The following FBXO24 variants were observed in gnomAD, a reference collection of about 807,000 sequenced individuals.
FBXO24 encodes F-box protein 24.
FBXO24 carries 30 observed loss-of-function variants against 63.5 expected under a neutral mutation model. That is an observed-to-expected ratio of 0.47 (90% CI 0.35 to 0.64). The LOEUF (loss-of-function observed/expected upper bound fraction) is 0.64. FBXO24 is among the 30% of genes least tolerant of loss of function. The pLI is 0.00. For synonymous variants in FBXO24, 300 were observed against 305.0 expected (o/e 0.98, Z 0.17); for missense variants, 624 against 763.4 (o/e 0.82, Z 2.15).
rs763721434 is a variant in FBXO24, at chr7:100,590,245, C to T, written c.210C>T (p.His70=). Residue 70 remains histidine, a synonymous_variant, in exon 3 of 10, where the codon CAC becomes CAT. Transcript: ENST00000241071. ...TCGGCCAGACCTGCCGCTACTTCCA[C>T]GAAGTGTGCGATGGGGAAGGCGTGT... The part of the protein sequence containing the change: ...VALGQTCRYF[H]EVCDGEGVWR... The T allele has an allele frequency of 1.3e-5, 21 of 1,614,048 alleles. No individual in the cohort carries two copies. Among genetic ancestry groups the T allele is most frequent in the African/African-American group, 4.0e-5 (3 of 74,922 alleles).
Position 100,597,893 on chromosome 7 carries a change from G to GTT in FBXO24, c.1207-2125_1207-2124dup, listed in dbSNP as rs556578958. On this transcript the variant is annotated intron_variant, in intron 8 of 9. Transcript: ENST00000241071. Reference sequence around the variant, plus strand: ...AGTTTTTGTTTTTTTTGTTTTTTTTGTTTTTTTTTTTTTTAGAGACAGGGT... The same window carrying GTT: ...AGTTTTTGTTTTTTTTGTTTTTTTTGTTTTTTTTTTTTTTTTAGAGACAGGGT... Among the ~76,000 whole-genome samples the GTT allele has an allele frequency of 4.7e-3, 636 of 134,808 alleles. 5 individuals are homozygous for GTT. Among genetic ancestry groups the GTT allele is most frequent in the African/African-American group, 0.015 (551 of 36,484 alleles). 88.4% of individuals were successfully genotyped at this position (134,808 alleles called of 152,430 possible). A position where few individuals can be genotyped will look rare whatever the true frequency, so the allele number is the denominator to read the frequency against.
At chr7:100,595,477 T>A (rs1202394907) in intron 7 of FBXO24, 98 bp from the exon 8 acceptor site, 18 of 1,404,380 alleles carry the variant, frequency 1.3e-5, no homozygotes, top group Admixed American at 1.2e-4. Flanking sequence ...TAGAAAGAGA[T>A]CAGCTGGGGA....
At chr7:100,586,713 G>C in intron 1 of FBXO24, 49 bp downstream of exon 1, 1 of 1,608,002 alleles carries the variant, frequency 6.2e-7, no homozygotes, top group Non-Finnish European at 8.5e-7. Flanking sequence ...CGGAGCCCCT[G>C]GCCGGCCGGG....
Position 100,594,987 on chromosome 7 carries a change from G to T in FBXO24, c.953-115G>T. On this transcript the variant is annotated intron_variant, in intron 6 of 9. Coordinates refer to ENST00000241071, the MANE Select transcript of FBXO24 (RefSeq NM_033506.3). This position sits in a 1 kb window ranked among gnomAD's most constrained non-coding sequence, Gnocchi z 4.2. ...TCAGTTCCCAGGCATCATAGTTGAT[G>T]CATTCCTAGTGGGTATGAGACTCCT... 7.2e-7 allele frequency: 1 copy of T among 1,381,864 alleles called. No individual in the cohort carries two copies. 85.6% of individuals were successfully genotyped at this position (1,381,864 alleles called of 1,614,324 possible).
chr7:100,588,353 C>T (rs1460769513), intron 1 of FBXO24, among the ~76,000 whole-genome samples: 2 of 152,170 alleles, frequency 1.3e-5, no homozygotes, highest in African/African-American at 4.8e-5. Context: ...GGTAGGTTGC[C>T]CAGAAATAAG....
chr7:100,586,641 G>GT lies in FBXO24; in HGVS notation c.17dup (p.Leu8PhefsTer21). ...TACCAATAGCATGGGCGAGAAGGCG[G>GT]TCCCTTTGCTAAGGAGGAGGCGGGT... On this transcript the variant is annotated frameshift_variant, in exon 1 of 10. Coordinates refer to ENST00000241071, the MANE Select transcript of FBXO24 (RefSeq NM_033506.3). LOFTEE classifies it high-confidence loss of function. The GT allele has an allele frequency of 6.2e-7, 1 of 1,614,236 alleles. No individual in the cohort carries two copies. Among genetic ancestry groups the GT allele is most frequent in the Non-Finnish European group, 8.5e-7 (1 of 1,180,022 alleles).
Position 100,590,171 on chromosome 7 carries a change from C to T in FBXO24, c.139-3C>T. On this transcript the variant is annotated splice_region_variant and splice_polypyrimidine_tract_variant and intron_variant, in intron 2 of 9. Transcript: ENST00000241071. ...TCCCCGCTTCTTCCCTCCTCCCTCC[C>T]AGGTGGAGCATATCATCTCATTCCT... is the stretch of plus-strand genomic sequence containing the variant. 1 of 1,613,096 alleles carries T rather than the reference C, an allele frequency of 6.2e-7. No homozygotes were observed. The highest frequency in any genetic ancestry group is 8.5e-7 in the Non-Finnish European group (1 of 1,179,258).
chr7:100,599,653 G>GC, intron 8 of FBXO24: 1 of 209,286 alleles, frequency 4.8e-6, no homozygotes, highest in Non-Finnish European at 9.8e-6. Flanking sequence ...CTTCCTCAGG[G>GC]TGGTGTTGGG....
In FBXO24 at chr7:100,600,553, C is replaced by T; in HGVS notation, c.1397C>T (p.Ala466Val). The T allele has an allele frequency of 1.3e-6, 2 of 1,571,090 alleles. No individual in the cohort carries two copies. Among genetic ancestry groups the T allele is most frequent in the Non-Finnish European group, 1.7e-6 (2 of 1,156,116 alleles). Residue 466 changes from alanine to valine, a missense_variant, in exon 10 of 10, where the codon GCC (alanine) becomes GTC (valine). Around this residue, in one of 3 missense-constraint regions of FBXO24, gnomAD observed 216 missense variants for 245.2 expected, o/e 0.88. Coordinates refer to ENST00000241071, the MANE Select transcript of FBXO24 (RefSeq NM_033506.3). The surrounding 1 kb of genome is among the most constrained non-coding windows in gnomAD (Gnocchi z 6.3). ...LQVKVPLCAC[A>V]LCATRECLYI... ...TCCAAGGTCCCTCTGTGTGCCTGTG[C>T]CCTCTGTGCCACCAGGGAGTGCCTA...
In FBXO24 at chr7:100,600,199, A is replaced by C. The variant is rs1350944140; in HGVS notation, c.1375A>C (p.Lys459Gln). The C allele has an allele frequency of 3.2e-6, 5 of 1,556,050 alleles. No individual in the cohort carries two copies. Among genetic ancestry groups the C allele is most frequent in the Non-Finnish European group, 4.4e-6 (5 of 1,149,278 alleles). Reference protein sequence around the residue: ...GSASFVKLQVKVPLCACALCA... With the variant: ...GSASFVKLQVQVPLCACALCA... ...TGCCTCCTTCGTCAAGCTCCAAGTC[A>C]AGGTCAGAGCGGGGTCAGGAGAGTG... Residue 459 changes from lysine to glutamine, a missense_variant and splice_region_variant, in exon 9 of 10, where the codon AAG becomes CAG. Around this residue, in one of 3 missense-constraint regions of FBXO24, gnomAD observed 216 missense variants for 245.2 expected, o/e 0.88. Coordinates refer to ENST00000241071, the MANE Select transcript of FBXO24 (RefSeq NM_033506.3). This position sits in a 1 kb window ranked among gnomAD's most constrained non-coding sequence, Gnocchi z 6.3.
In FBXO24 at chr7:100,594,055, G is replaced by C. The variant is rs1010909940; in HGVS notation, c.794-328G>C. 2.6e-5 allele frequency among the ~76,000 whole-genome samples: 4 copies of C among 152,100 alleles called. No homozygotes were observed. The highest frequency in any genetic ancestry group is 4.4e-5 in the Non-Finnish European group (3 of 68,022). ...TCCTGCCTTGGCCTCCCAAAGTGCT[G>C]GGATTACAGGTGTGAGCCACCACAC... On this transcript the variant is annotated intron_variant, in intron 5 of 9. Transcript: ENST00000241071. This position sits in a 1 kb window ranked among gnomAD's most constrained non-coding sequence, Gnocchi z 4.2.
rs772522902 is a variant in FBXO24 at position 100,590,294 on chromosome 7, A to T, written c.259A>T (p.Ser87Cys). Residue 87 changes from serine to cysteine, a missense_variant, in exon 3 of 10, where the codon AGT becomes TGT. Physicochemically the swap from Ser to Cys is moderately radical, Grantham distance 112. This residue lies in a region of FBXO24 where 391 missense variants were observed against 469.1 expected (regional missense o/e 0.83). Coordinates refer to ENST00000241071, the MANE Select transcript of FBXO24 (RefSeq NM_033506.3). ...GVWRRICRRLSPRLQDQGSGV... is the reference protein window; with the variant it reads ...GVWRRICRRLCPRLQDQGSGV... ...GTGGAGACGCATCTGTCGCAGACTC[A>T]GTCCGCGCCTCCAAGATCAGGGTTC... is the stretch of plus-strand genomic sequence containing the variant. 1.9e-6 allele frequency: 3 copies of T among 1,614,066 alleles called. No homozygotes were observed. Among genetic ancestry groups the T allele is most frequent in the Non-Finnish European group, 2.5e-6 (3 of 1,180,014 alleles).
intron 8 of FBXO24, among the ~76,000 whole-genome samples, chr7:100,599,103 C>T (rs1802454435): frequency 6.6e-6 from 1 of 151,902 alleles, no homozygotes; most frequent in African/African-American, 2.4e-5. Context: ...AAATTATAGG[C>T]ACATGCCGGG....
At chr7:100,596,937 G>A (rs979733083) in intron 8 of FBXO24, among the ~76,000 whole-genome samples, 2 of 152,144 alleles carry the variant, frequency 1.3e-5, no homozygotes, top group Non-Finnish European at 2.9e-5. Flanking sequence ...AGCTACTCGG[G>A]AGTCTGAGGC....
At chr7:100,592,127 T>C (rs1255919020) in intron 4 of FBXO24, 6 of 459,662 alleles carry the variant, frequency 1.3e-5, no homozygotes, top group Non-Finnish European at 2.4e-5. Flanking sequence ...GGTGTGGTGG[T>C]GGGTGCCTAT....
At chr7:100,590,493 G>A (rs1000253922) in intron 3 of FBXO24, 136 bp downstream of exon 3, 2 of 879,164 alleles carry the variant, frequency 2.3e-6, no homozygotes, top group Non-Finnish European at 3.4e-6. Flanking sequence ...AACGGGTCCA[G>A]TTCAAACATT....
At chr7:100,589,428 A>G (rs1034782347) in intron 1 of FBXO24, 1 of 1,224,694 alleles carries the variant, frequency 8.2e-7, no homozygotes, top group Non-Finnish European at 1.0e-6. Context: ...TTATTTCTCC[A>G]GTAAAATGCA....
Position 100,594,650 on chromosome 7 carries a change from T to G in FBXO24, c.952+109T>G, listed in dbSNP as rs866400734. The G allele has an allele frequency of 2.4e-6, 3 of 1,256,382 alleles. No homozygotes were observed. Among genetic ancestry groups the G allele is most frequent in the Non-Finnish European group, 3.2e-6 (3 of 951,394 alleles). The allele number at this position is 1,256,382 out of a possible 1,614,324, so 77.8% of individuals were successfully genotyped here. On this transcript the variant is annotated intron_variant, in intron 6 of 9. Coordinates refer to ENST00000241071, the MANE Select transcript of FBXO24 (RefSeq NM_033506.3). The surrounding 1 kb of genome is among the most constrained non-coding windows in gnomAD (Gnocchi z 4.2). ...GCATGGTGAACCCCTGAGGGCATCC[T>G]AGTGAAAAGATGTGTTTAGGGCCGG...
At chr7:100,590,753 G>A (rs1801976286) in intron 3 of FBXO24, among the ~76,000 whole-genome samples, 1 of 152,150 alleles carries the variant, frequency 6.6e-6, no homozygotes, top group Admixed American at 6.6e-5. Flanking sequence ...CAGCAACCCT[G>A]GCCTCCACCC....
Sources: gnomAD v4.1 joint callset for allele counts (sites outside exome capture counted in the v4.1 genomes callset) on GRCh38, gnomAD v4.1.1 for gene constraint, gnomAD v4.1.1 regional missense constraint, Gnocchi (gnomAD v3.1) non-coding constraint, MANE v1.5 for transcripts, NCBI Gene and HGNC (gene_info 2026-07-23, HGNC 2026-07-21) for gene names.